Variants in CPB2 observed in about 807,000 individuals in gnomAD.
CPB2 encodes the protein carboxypeptidase B2, also known as carboxypeptidase B-like protein.
CPB2 carries 54 observed loss-of-function variants against 57.0 expected under a neutral mutation model. That is an observed-to-expected ratio of 0.95 (90% confidence interval 0.76 to 1.19). The LOEUF is 1.19. CPB2 is among the 50% of genes most tolerant of loss of function. CPB2 has a pLI of 0.00. For missense variants in CPB2, 426 were observed against 512.0 expected, an observed-to-expected ratio of 0.83 and a Z score of 1.62; for synonymous variants, 189 against 178.1, an observed-to-expected ratio of 1.06 and a Z score of -0.49.
intron 5 of CPB2, among the ~76,000 whole-genome samples, chr13:46,078,506 G>A (rs1452590388): frequency 1.3e-5 from 2 of 152,172 alleles, no homozygotes; most frequent in African/African-American, 4.8e-5. Flanking sequence ...TGTATTTGGA[G>A]ATAGGGCCTT....
intron 5 of CPB2, 49 bp from the exon 6 acceptor site, chr13:46,074,026 A>G: frequency 9.0e-7 from 1 of 1,112,772 alleles, no homozygotes; most frequent in East Asian, 2.4e-5. Flanking sequence ...AATAAGCTTC[A>G]GGATAATAAC....
In CPB2 at chr13:46,058,469, A is replaced by G. The variant is rs189900126; in HGVS notation, c.797-88T>C. On this transcript the variant is annotated intron_variant, in intron 8 of 10. Coordinates refer to ENST00000181383, the MANE Select transcript of CPB2 (RefSeq NM_001872.5). Reference sequence around the variant, plus strand: ...TCCCAGACAACGTATTCTCCTACCTATGTTGCAACACTTTTAGATGAATGG... The same window carrying G: ...TCCCAGACAACGTATTCTCCTACCTGTGTTGCAACACTTTTAGATGAATGG... The G allele has an allele frequency of 3.6e-5, 38 of 1,063,674 alleles. No individual in the cohort carries two copies. In the African/African-American group the frequency reaches 3.9e-4, roughly 11 times the overall value. The allele number at this position is 1,063,674 out of a possible 1,614,324, so 65.9% of individuals were successfully genotyped here.
At chr13:46,055,883 G>T (rs200150560) in intron 9 of CPB2, 34 bp from the exon 10 acceptor site, 2 of 1,243,478 alleles carry the variant, frequency 1.6e-6, no homozygotes, top group African/African-American at 1.5e-5. Flanking sequence ...TTCAGTTAAT[G>T]TGCAGCTTTG....
At chr13:46,096,207 C>T (rs536390569) in intron 1 of CPB2, 1 of 152,424 alleles carries the variant, frequency 6.6e-6, no homozygotes, top group Non-Finnish European at 1.5e-5. Flanking sequence ...TTTGCCAAAA[C>T]TTTCTTAGAA....
chr13:46,097,221 A>G (rs1418578060), intron 1 of CPB2: 1 of 152,316 alleles, frequency 6.6e-6, no homozygotes, highest in Non-Finnish European at 1.5e-5. Flanking sequence ...AAAAGGCACT[A>G]GAACAGAATA....
chr13:46,088,341 A>C (rs893732333), intron 1 of CPB2, among the ~76,000 whole-genome samples: 1 of 152,192 alleles, frequency 6.6e-6, no homozygotes, highest in African/African-American at 2.4e-5. Context: ...GGATTTTTAA[A>C]CACATGTATG....
At chr13:46,084,403 C>G in intron 2 of CPB2, 60 bp from the exon 3 acceptor site, 1 of 1,585,228 alleles carries the variant, frequency 6.3e-7, no homozygotes, top group African/African-American at 1.3e-5. Context: ...TCATTCTCAT[C>G]TGTAGCTAGA....
At chr13:46,065,736 T>A (rs2139361389) in intron 7 of CPB2, among the ~76,000 whole-genome samples, 1 of 151,760 alleles carries the variant, frequency 6.6e-6, no homozygotes, top group East Asian at 1.9e-4. Flanking sequence ...CGCCAAGCCT[T>A]CCAGCCTGTT....
intron 1 of CPB2, 140 bp downstream of exon 1, chr13:46,104,796 G>T: frequency 1.1e-6 from 1 of 879,678 alleles, no homozygotes; most frequent in South Asian, 1.8e-5. Context: ...TTATTTGTCA[G>T]GGCAACTTGG....
intron 6 of CPB2, among the ~76,000 whole-genome samples, chr13:46,069,154 T>G (rs7990092): frequency 0.34 from 52,180 of 151,940 alleles, 9,193 homozygotes; most frequent in African/African-American, 0.39. Context: ...TCTGAGAGAT[T>G]ACCGATGTTA....
chr13:46,075,395 C>G (rs1322966968), intron 5 of CPB2, among the ~76,000 whole-genome samples: 1 of 152,196 alleles, frequency 6.6e-6, no homozygotes, highest in East Asian at 1.9e-4. Context: ...TTGGCAAAAT[C>G]CCAGAGACTC....
chr13:46,055,798 T>C lies in CPB2; in HGVS notation c.1051A>G (p.Thr351Ala). The change falls in exon 10 of 11, where the codon ACC becomes GCC. Residue 351 changes from threonine to alanine, a missense_variant. Coordinates refer to ENST00000181383, the MANE Select transcript of CPB2 (RefSeq NM_001872.5). ...VRAIEKISKN[T>A]RYTHGHGSET... ...GAGCCATGGCCATGTGTATACCTGGTATTTTTACTAATTTTCTCAATAGCA... is the reference window on the plus strand; with the variant it reads ...GAGCCATGGCCATGTGTATACCTGGCATTTTTACTAATTTTCTCAATAGCA... The C allele has an allele frequency of 6.2e-7, 1 of 1,603,074 alleles. No homozygotes were observed. The highest frequency in any genetic ancestry group is 1.7e-4 in the Middle Eastern group (1 of 6,044).
At chr13:46,092,673 T>C (rs1166013108) in intron 1 of CPB2, among the ~76,000 whole-genome samples, 1 of 152,164 alleles carries the variant, frequency 6.6e-6, no homozygotes, top group Admixed American at 6.5e-5. Flanking sequence ...AAGGGCATTT[T>C]TGGAAAAATG....
At chr13:46,098,992 G>A (rs965680924) in intron 1 of CPB2, 18 of 152,156 alleles carry the variant, frequency 1.2e-4, no homozygotes, top group African/African-American at 3.9e-4. Context: ...AGTACAATGC[G>A]AGTGGTATAA....
At chr13:46,071,457 A>G (rs1235627546) in intron 6 of CPB2, among the ~76,000 whole-genome samples, 3 of 152,166 alleles carry the variant, frequency 2.0e-5, no homozygotes, top group Non-Finnish European at 2.9e-5. Context: ...TACAGGAGAA[A>G]TCTGCTAAAG....
At chr13:46,083,926 C>A (rs2045158417) in intron 3 of CPB2, among the ~76,000 whole-genome samples, 1 of 152,136 alleles carries the variant, frequency 6.6e-6, no homozygotes, top group Non-Finnish European at 1.5e-5. Flanking sequence ...AGTTTTGCTC[C>A]CTGAGTCTGG....
chr13:46,074,085 A>T (rs942392712), intron 5 of CPB2, 108 bp from the exon 6 acceptor site: 4 of 555,254 alleles, frequency 7.2e-6, no homozygotes, highest in African/African-American at 5.6e-5. Context: ...AATCTCTGAG[A>T]TATGCATTGT....
chr13:46,064,762 C>T, intron 7 of CPB2, 21 bp from the exon 8 acceptor site: 1 of 1,604,094 alleles, frequency 6.2e-7, no homozygotes, highest in Non-Finnish European at 8.5e-7. Context: ...AAAATACAAA[C>T]AGACAACCTG....
At chr13:46,095,790 C>A (rs2045356733) in intron 1 of CPB2, among the ~76,000 whole-genome samples, 1 of 151,176 alleles carries the variant, frequency 6.6e-6, no homozygotes, top group Non-Finnish European at 1.5e-5. Flanking sequence ...CTTCTTGCAG[C>A]TAATAACTGA....
Sources: gnomAD v4.1 joint callset for allele counts (sites outside exome capture counted in the v4.1 genomes callset) on GRCh38, gnomAD v4.1.1 for gene constraint, MANE v1.5 for transcripts, NCBI Gene and HGNC (gene_info 2026-07-23, HGNC 2026-07-21) for gene names.